Variants in MROH1 observed in about 807,000 individuals in gnomAD.
MROH1 encodes the protein maestro heat-like repeat-containing protein family member 1.
Under a neutral mutation model 116.5 loss-of-function variants are expected in MROH1, and 117 were observed. The ratio of observed to expected loss-of-function variants is 1.00; its 90% CI spans 0.86 to 1.17. The LOEUF is 1.17. MROH1 is among the 50% of genes most tolerant of loss of function. The pLI is 0.00. For missense variants in MROH1, 1,873 were observed against 1,338.5 expected (o/e 1.40, Z -6.23); for synonymous variants, 921 against 583.9 (o/e 1.58, Z -8.32).
At chr8:144,234,512 T>G (rs1399766034) in intron 14 of MROH1, among the ~76,000 whole-genome samples, 1 of 70,880 alleles carries the variant, frequency 1.4e-5, no homozygotes, top group Non-Finnish European at 2.6e-5. Flanking sequence ...TTTTTTTTTT[T>G]TTTTTTTTTT....
chr8:144,244,459 A>G lies in MROH1; in HGVS notation c.2686A>G (p.Thr896Ala). 1 of 768,116 alleles carries G rather than the reference A, an allele frequency of 1.3e-6. No homozygotes were observed. Among genetic ancestry groups the G allele is most frequent in the South Asian group, 1.4e-5 (1 of 71,968 alleles). The allele number at this position is 768,116 out of a possible 1,614,324, so 47.6% of individuals were successfully genotyped here. A position where few individuals can be genotyped will look rare whatever the true frequency, so the allele number is the denominator to read the frequency against. Residue 896 changes from threonine (T) to alanine (A), a missense_variant, in exon 28 of 44, where the codon ACA becomes GCA. Physicochemically the swap from Thr to Ala is moderately conservative, Grantham distance 58. Coordinates refer to ENST00000326134, the MANE Select transcript of MROH1 (RefSeq NM_032450.3). Reference protein sequence around the residue: ...GGCQKSLYLETLHALEDLLTS... With the variant: ...GGCQKSLYLEALHALEDLLTS... ...CTCCTTCCAGTCCCTGTATCTGGAGACACTGCACGCCCTTGAGGATCTGCT... is the reference window on the plus strand; with the variant it reads ...CTCCTTCCAGTCCCTGTATCTGGAGGCACTGCACGCCCTTGAGGATCTGCT...
intron 4 of MROH1, among the ~76,000 whole-genome samples, chr8:144,179,036 G>A (rs373259336): frequency 1.6e-4 from 25 of 152,188 alleles, no homozygotes; most frequent in South Asian, 1.0e-3. Flanking sequence ...GGGAGGGGCC[G>A]TTGGATACAA....
chr8:144,261,537 G>T, intron 43 of MROH1, 118 bp from the exon 44 acceptor site: 2 of 689,440 alleles, frequency 2.9e-6, no homozygotes, highest in Non-Finnish European at 5.3e-6. Context: ...AAGGAAAAAC[G>T]ATCTTTCCGT....
chr8:144,239,335 C>T lies in MROH1; in HGVS notation c.1604C>T (p.Ser535Phe). The change falls in exon 17 of 44, where the codon TCT becomes TTT. Residue 535 changes from serine (S) to phenylalanine (F), a missense_variant. Coordinates refer to ENST00000326134, the MANE Select transcript of MROH1 (RefSeq NM_032450.3). ...CTCTCATCTCCAGCGAGCCTCCCGT[C>T]TCCCTATGCTGTAACCGGAAGACTG... Reference protein sequence around the residue: ...IQYDAHASLPSPYAVTGRLLV... With the variant: ...IQYDAHASLPFPYAVTGRLLV... The T allele has an allele frequency of 3.8e-6, 3 of 780,530 alleles. No individual in the cohort carries two copies. The South Asian group carries it at 4.0e-5, about 10-fold the overall frequency. 48.4% of individuals were successfully genotyped at this position (780,530 alleles called of 1,614,324 possible). A position where few individuals can be genotyped will look rare whatever the true frequency, so the allele number is the denominator to read the frequency against.
Position 144,180,340 on chromosome 8 carries a change from G to A in MROH1, c.463G>A (p.Ala155Thr), listed in dbSNP as rs747756126. Residue 155 changes from alanine (A) to threonine (T), a missense_variant and splice_region_variant, in exon 6 of 44, where the codon GCG becomes ACG. Ala to Thr is a moderately conservative substitution (Grantham distance 58). Coordinates refer to ENST00000326134, the MANE Select transcript of MROH1 (RefSeq NM_032450.3). The surrounding 1 kb of genome is among the most constrained non-coding windows in gnomAD (Gnocchi z 7.4). ...HTLASLSVAN[A>T]FGVVPFLPSV... The stretch of plus-strand genomic sequence containing the variant: ...CCTCGCCAGCCTCTCGGTGGCCAAC[G>A]GTAGGTGACGCGCGGCCTGCCCCAG... The A allele has an allele frequency of 8.7e-6, 14 of 1,606,528 alleles. No individual in the cohort carries two copies. Among genetic ancestry groups the A allele is most frequent in the Admixed American group, 1.7e-5 (1 of 59,826 alleles).
chr8:144,177,784 TCTTCC>T, intron 4 of MROH1, among the ~76,000 whole-genome samples: 1 of 151,848 alleles, frequency 6.6e-6, no homozygotes, highest in Non-Finnish European at 1.5e-5. Flanking sequence ...TGGCTTCTTC[TCTTCC>T]TCCTCCTCTG....
chr8:144,157,149 G>A (rs1416378310), intron 1 of MROH1, among the ~76,000 whole-genome samples: 1 of 152,088 alleles, frequency 6.6e-6, no homozygotes, highest in Non-Finnish European at 1.5e-5. Flanking sequence ...GTAGAGAAGG[G>A]GTTTCACCAT....
chr8:144,210,571 C>T (rs1288642409), intron 12 of MROH1, among the ~76,000 whole-genome samples: 1 of 152,088 alleles, frequency 6.6e-6, no homozygotes, highest in Non-Finnish European at 1.5e-5. Context: ...GCACACCTGT[C>T]CCAGCTACTC....
At chr8:144,238,446 C>T (rs976161675) in intron 14 of MROH1, among the ~76,000 whole-genome samples, 93 of 152,260 alleles carry the variant, frequency 6.1e-4, no homozygotes, top group Non-Finnish European at 1.2e-3. Context: ...ACATGGGTAA[C>T]GTTCCCACAG....
At chr8:144,243,310 G>C (rs1191497804) in intron 24 of MROH1, among the ~76,000 whole-genome samples, 184 bp from the exon 25 acceptor site, 2 of 152,224 alleles carry the variant, frequency 1.3e-5, no homozygotes, top group Admixed American at 6.5e-5. Context: ...TGTGACATGG[G>C]GGAACCCCTG....
intron 4 of MROH1, among the ~76,000 whole-genome samples, chr8:144,173,569 GT>G (rs1255240943): frequency 1.3e-5 from 2 of 151,916 alleles, no homozygotes; most frequent in African/African-American, 4.8e-5. Context: ...GGGATTACAG[GT>G]GCACGCCACC....
Position 144,172,600 on chromosome 8 carries a change from C to T in MROH1, c.168+4160C>T, listed in dbSNP as rs184626854. Among the ~76,000 whole-genome samples, 29 of 151,918 alleles carry T rather than the reference C, an allele frequency of 1.9e-4. 2 individuals are homozygous for T. Among genetic ancestry groups the T allele is most frequent in the South Asian group, 1.7e-3 (8 of 4,818 alleles). The stretch of plus-strand genomic sequence containing the variant: ...TAATTTTTGTATTTTTAGTAGAGAC[C>T]GGGTTTCACCGTGTTGGTCAGGCAG... On this transcript the variant is annotated intron_variant, in intron 4 of 43. Transcript: ENST00000326134.
At position 144,240,601 on chromosome 8, in the gene MROH1, A is replaced by G. The variant is rs1421561376; in HGVS notation, c.1859A>G (p.Asp620Gly). Residue 620 changes from aspartate (D) to glycine (G), a missense_variant, in exon 20 of 44, where the codon GAC becomes GGC. Coordinates refer to ENST00000326134, the MANE Select transcript of MROH1 (RefSeq NM_032450.3). ...CGAGACACCCTGGCCATCATTTCTG[A>G]CAACGCGTGGATCTGCCAGCTGAGC... ...FLRDTLAIIS[D>G]NAWICQLSLE... 9.8e-6 allele frequency: 7 copies of G among 717,506 alleles called. No homozygotes were observed. The Admixed American group carries it at 1.4e-4, about 14-fold the overall frequency. 44.4% of individuals were successfully genotyped at this position (717,506 alleles called of 1,614,324 possible).
Position 144,200,486 on chromosome 8 carries a change from T to C in MROH1, c.1086T>C (p.Asn362=). 6.4e-7 allele frequency: 1 copy of C among 1,552,142 alleles called. No individual in the cohort carries two copies. Among genetic ancestry groups the C allele is most frequent in the Non-Finnish European group, 8.7e-7 (1 of 1,147,756 alleles). ...TGCTGCCCAGGCTGGACACCAGCAA[T>C]GAGAGGACCCGCGTGGGCACCCTGC... ...AFLLPRLDTS[N]ERTRVGTLQV... is the part of the protein sequence containing the mutation. Residue 362 remains asparagine (N), a synonymous_variant, in exon 12 of 44, where the codon AAT becomes AAC. Coordinates refer to ENST00000326134, the MANE Select transcript of MROH1 (RefSeq NM_032450.3).
At chr8:144,260,453 ACCCTCCT>A in intron 39 of MROH1, 79 bp downstream of exon 39, 1 of 698,018 alleles carries the variant, frequency 1.4e-6, no homozygotes, top group East Asian at 2.7e-5. Flanking sequence ...CCCCAGCCCC[ACCCTCCT>A]CCCTGTCTCC....
intron 4 of MROH1, among the ~76,000 whole-genome samples, chr8:144,169,375 GTC>G (rs1821844758): frequency 6.6e-6 from 1 of 151,994 alleles, no homozygotes; most frequent in South Asian, 2.1e-4. Flanking sequence ...CTGGGGCAGG[GTC>G]TCTCCTTTCT....
intron 12 of MROH1, among the ~76,000 whole-genome samples, chr8:144,217,573 G>A (rs1301850199): frequency 1.3e-5 from 2 of 152,138 alleles, no homozygotes; most frequent in African/African-American, 4.8e-5. Flanking sequence ...CTCTCACAGG[G>A]ACCAAACCTT....
Position 144,261,574 on chromosome 8 carries a change from T to C in MROH1, c.4841-81T>C, listed in dbSNP as rs917667692. On this transcript the variant is annotated intron_variant, in intron 43 of 43. Transcript: ENST00000326134. ...GGCTCCTGAGCCTCCCAGCAGAGGC[T>C]GTCAGGAGAGCGTGGCCCACGCGCA... The C allele has an allele frequency of 1.0e-4, 71 of 700,428 alleles. No homozygotes were observed. The East Asian group carries it at 1.8e-3, about 18-fold the overall frequency. 43.4% of individuals were successfully genotyped at this position (700,428 alleles called of 1,614,324 possible).
At chr8:144,258,692 G>A (rs909512620) in intron 35 of MROH1, 85 bp from the exon 36 acceptor site, 64 of 702,594 alleles carry the variant, frequency 9.1e-5, no homozygotes, top group Admixed American at 6.2e-4. Context: ...TGGGCAACAC[G>A]CATTGGGTGC....
Sources: allele counts gnomAD v4.1 joint callset (sites outside exome capture counted in the v4.1 genomes callset), GRCh38; gene constraint gnomAD v4.1.1; non-coding constraint Gnocchi (gnomAD v3.1); transcripts MANE v1.5; gene names NCBI Gene and HGNC (gene_info 2026-07-23, HGNC 2026-07-21).